ADGRB1: variants seen among roughly 807,000 people sequenced by gnomAD.
ADGRB1 encodes the protein adhesion G protein-coupled receptor B1, also known as brain-specific angiogenesis inhibitor 1.
In ADGRB1, 36 loss-of-function variants were observed where a neutral mutation model predicts 175.7. The observed-to-expected ratio is 0.20, with a 90% CI of 0.16 to 0.27. The LOEUF is 0.27. Among genes scored for constraint, ADGRB1 ranks in the 10% least tolerant of loss-of-function variants. The pLI is 1.00. For synonymous variants in ADGRB1, 1,054 were observed against 979.4 expected, an observed-to-expected ratio of 1.08 and a Z score of -1.42; for missense variants, 1,731 against 2,255.3, an observed-to-expected ratio of 0.77 and a Z score of 4.71.
rs143013687 is a variant in ADGRB1, at chr8:142,492,970, T to G, written c.2675+2155T>G. On this transcript the variant is annotated intron_variant, in intron 17 of 30. Transcript: ENST00000517894. The surrounding 1 kb of genome is among the most constrained non-coding windows in gnomAD (Gnocchi z 4.4). ...CTCGGGGGGCTGCGCCCTGGTTCAC[T>G]CAACCAGCCCCTGCTGGTGGCCTTC... 4.0e-4 allele frequency among the ~76,000 whole-genome samples: 61 copies of G among 152,068 alleles called. No individual in the cohort carries two copies. Among genetic ancestry groups the G allele is most frequent in the African/African-American group, 1.3e-3 (53 of 41,516 alleles).
intron 19 of ADGRB1, among the ~76,000 whole-genome samples, chr8:142,519,482 G>A (rs1843635443): frequency 6.6e-6 from 1 of 152,202 alleles, no homozygotes; most frequent in South Asian, 2.1e-4. Context: ...TGGTGGTGAT[G>A]GTGGTCCTGG....
intron 17 of ADGRB1, among the ~76,000 whole-genome samples, chr8:142,491,182 G>A (rs1841963755): frequency 6.6e-6 from 1 of 152,244 alleles, no homozygotes; most frequent in African/African-American, 2.4e-5. Flanking sequence ...CTGAGGGGCT[G>A]CGAAAGCTTC....
chr8:142,524,163 T>A (rs534141890), intron 22 of ADGRB1, 75 bp from the exon 23 acceptor site: 235 of 1,498,560 alleles, frequency 1.6e-4, no homozygotes, highest in Non-Finnish European at 1.8e-4. Flanking sequence ...TCACCCCTAC[T>A]CCTGAGAGGC....
intron 9 of ADGRB1, among the ~76,000 whole-genome samples, 180 bp downstream of exon 9, chr8:142,479,974 G>A (rs1841242165): frequency 6.6e-6 from 1 of 152,238 alleles, no homozygotes; most frequent in African/African-American, 2.4e-5. Flanking sequence ...CTCTGTGGCA[G>A]CTGCTGTTCT....
At chr8:142,476,935 C>G (rs1841011532) in intron 4 of ADGRB1, among the ~76,000 whole-genome samples, 179 bp from the exon 5 acceptor site, 1 of 152,210 alleles carries the variant, frequency 6.6e-6, no homozygotes, top group African/African-American at 2.4e-5. Flanking sequence ...CTCAGGGCTC[C>G]CAGCCTTGTA....
Position 142,502,868 on chromosome 8 carries a change from G to A in ADGRB1, c.2676-8064G>A, listed in dbSNP as rs1203390345. On this transcript the variant is annotated intron_variant, in intron 17 of 30. Coordinates refer to ENST00000517894, the MANE Select transcript of ADGRB1 (RefSeq NM_001702.3). Reference sequence around the variant, plus strand: ...GTTGCTGCTGTTGGTGGTAGTGACAGTACTGTTGATGGCATGATGCTGATG... The same window carrying A: ...GTTGCTGCTGTTGGTGGTAGTGACAATACTGTTGATGGCATGATGCTGATG... 7.2e-5 allele frequency among the ~76,000 whole-genome samples: 11 copies of A among 151,898 alleles called. No homozygotes were observed. In the East Asian group the frequency reaches 2.1e-3, roughly 29 times the overall value.
chr8:142,479,908 C>A, intron 9 of ADGRB1, 114 bp downstream of exon 9: 1 of 1,183,612 alleles, frequency 8.4e-7, no homozygotes, highest in Non-Finnish European at 1.2e-6. Context: ...GCCCAGACAG[C>A]CTGCGTGTGC....
In ADGRB1 at chr8:142,537,339, C is replaced by T. The variant is rs1043937954; in HGVS notation, c.3666+257C>T. ...CTGGCATCCACCCCACACTCACCCC[C>T]GCTGGCAGCAGTGCCCGTCTGGCTG... On this transcript the variant is annotated intron_variant, in intron 26 of 30. Coordinates refer to ENST00000517894, the MANE Select transcript of ADGRB1 (RefSeq NM_001702.3). This position sits in a 1 kb window ranked among gnomAD's most constrained non-coding sequence, Gnocchi z 4.6. Among the ~76,000 whole-genome samples, 4 of 152,070 alleles carry T rather than the reference C, an allele frequency of 2.6e-5. No individual in the cohort carries two copies. The highest frequency in any genetic ancestry group is 4.4e-5 in the Non-Finnish European group (3 of 67,980).
rs1019734108 is a variant in ADGRB1 at position 142,542,387 on chromosome 8, G to A, written c.4153G>A (p.Glu1385Lys). The A allele has an allele frequency of 2.6e-6, 4 of 1,560,174 alleles. No individual in the cohort carries two copies. The highest frequency in any genetic ancestry group is 1.9e-5 in the Admixed American group (1 of 52,252). Residue 1385 changes from glutamate to lysine, a missense_variant, in exon 28 of 31, where the codon GAG (glutamate) becomes AAG (lysine). Glu to Lys is a moderately conservative substitution (Grantham distance 56). Transcript: ENST00000517894. This position sits in a 1 kb window ranked among gnomAD's most constrained non-coding sequence, Gnocchi z 6.3. ...CCTCATCCACCTCAGCACGGCCCCC[G>A]AGGCCAGCCTCCCCGCCCGCAGCCC... ...TRLIHLSTAP[E>K]ASLPARSPPS...
Position 142,455,880 on chromosome 8 carries a change from G to A in ADGRB1, c.-220+5776G>A, listed in dbSNP as rs1356002459. On this transcript the variant is annotated intron_variant, in intron 1 of 30. Coordinates refer to ENST00000517894, the MANE Select transcript of ADGRB1 (RefSeq NM_001702.3). This position sits in a 1 kb window ranked among gnomAD's most constrained non-coding sequence, Gnocchi z 4.9. ...TTGGTCTTTGGGCCAGCACCTCTCTGAGGCTAAGTTGGCATCTCTGTGACA... is the reference window on the plus strand; with the variant it reads ...TTGGTCTTTGGGCCAGCACCTCTCTAAGGCTAAGTTGGCATCTCTGTGACA... Among the ~76,000 whole-genome samples the A allele has an allele frequency of 6.6e-6, 1 of 152,194 alleles. No homozygotes were observed. Among genetic ancestry groups the A allele is most frequent in the Non-Finnish European group, 1.5e-5 (1 of 68,032 alleles).
chr8:142,539,789 C>A (rs7462701), intron 27 of ADGRB1: 190,849 of 298,404 alleles, frequency 0.64, 66,117 homozygotes, highest in East Asian at 0.99. Context: ...CGCTCCCCCC[C>A]CCTGCCTCCT....
chr8:142,520,768 C>T (rs1039157333), intron 19 of ADGRB1, 55 bp from the exon 20 acceptor site: 22 of 1,498,770 alleles, frequency 1.5e-5, no homozygotes, highest in Middle Eastern at 1.7e-4. Context: ...ACCACAGCCC[C>T]TGTGCAGATG....
Position 142,475,651 on chromosome 8 carries a change from G to T in ADGRB1, c.946+16G>T. On this transcript the variant is annotated intron_variant, in intron 3 of 30. Transcript: ENST00000517894. The stretch of plus-strand genomic sequence containing the variant: ...GCCTGCGGCCGTGAGTGCGGGCGGG[G>T]CGGGGCGGAGCCGGAGCCCTGGAGA... 1 of 1,226,698 alleles carries T rather than the reference G, an allele frequency of 8.2e-7. No individual in the cohort carries two copies. Among genetic ancestry groups the T allele is most frequent in the Non-Finnish European group, 1.0e-6 (1 of 984,362 alleles). 76.0% of individuals were successfully genotyped at this position (1,226,698 alleles called of 1,614,324 possible).
intron 17 of ADGRB1, among the ~76,000 whole-genome samples, chr8:142,494,247 T>C (rs569240180): frequency 6.6e-6 from 1 of 152,004 alleles, no homozygotes; most frequent in East Asian, 1.9e-4. Flanking sequence ...GTTCTGATCC[T>C]ACTCACTCAC....
At chr8:142,536,471 G>T (rs1264744419) in intron 25 of ADGRB1, among the ~76,000 whole-genome samples, 1 of 152,168 alleles carries the variant, frequency 6.6e-6, no homozygotes, top group Non-Finnish European at 1.5e-5. Flanking sequence ...AGAGTGGGTG[G>T]CCATGAAGGG....
rs771884806 is a variant in ADGRB1 at position 142,522,080 on chromosome 8, G to A, written c.3140G>A (p.Arg1047His). The part of the protein sequence containing the change: ...YMAVTGHLRN[R>H]LIRKRFLCLG... Reference sequence around the variant, plus strand: ...GCGGTGACGGGCCACCTCCGGAACCGCCTCATCCGCAAGCGCTTCCTCTGC... The same window carrying A: ...GCGGTGACGGGCCACCTCCGGAACCACCTCATCCGCAAGCGCTTCCTCTGC... Residue 1047 changes from arginine (R) to histidine (H), a missense_variant, in exon 21 of 31, where the codon CGC becomes CAC. Arg to His is a conservative substitution (Grantham distance 29). Around this residue, in one of 8 missense-constraint regions of ADGRB1, gnomAD observed 301 missense variants for 488.4 expected, o/e 0.62. Coordinates refer to ENST00000517894, the MANE Select transcript of ADGRB1 (RefSeq NM_001702.3). 16 of 1,611,878 alleles carry A rather than the reference G, an allele frequency of 9.9e-6. No homozygotes were observed. Among genetic ancestry groups the A allele is most frequent in the Admixed American group, 1.7e-5 (1 of 59,994 alleles).
rs752011772 is a variant in ADGRB1, at chr8:142,477,479, C to G, written c.1317C>G (p.Pro439=). The change falls in exon 6 of 31, where the codon CCC becomes CCG. Residue 439 remains proline, a synonymous_variant. Coordinates refer to ENST00000517894, the MANE Select transcript of ADGRB1 (RefSeq NM_001702.3). The stretch of plus-strand genomic sequence containing the variant: ...ATCGCACGCGCACCTGCAGGCCCCC[C>G]CAGTTTGGGGGCAACCCCTGTGAGG... ...FRDRTRTCRP[P]QFGGNPCEGP... is the part of the protein sequence containing the mutation. 5.0e-6 allele frequency: 8 copies of G among 1,612,958 alleles called. No homozygotes were observed. The highest frequency in any genetic ancestry group is 3.3e-5 in the Admixed American group (2 of 60,004).
In ADGRB1 at chr8:142,481,246, C is replaced by G. The variant is rs774183938; in HGVS notation, c.1829-8C>G. The G allele has an allele frequency of 2.5e-6, 4 of 1,610,580 alleles. No homozygotes were observed. Among genetic ancestry groups the G allele is most frequent in the Non-Finnish European group, 3.4e-6 (4 of 1,177,346 alleles). ...GGCATCCACCTGAGAAGGGGATGGT[C>G]TCCCCAGGACTCATCCTGCGACGGT... is the stretch of plus-strand genomic sequence containing the variant. On this transcript the variant is annotated splice_region_variant and splice_polypyrimidine_tract_variant and intron_variant, in intron 9 of 30. Transcript: ENST00000517894.
chr8:142,526,503 G>GGCCC, intron 23 of ADGRB1, 39 bp from the exon 24 acceptor site: 153 of 1,259,150 alleles, frequency 1.2e-4, no homozygotes, highest in Middle Eastern at 2.0e-4. Flanking sequence ...GCCTACGGCG[G>GGCCC]CCCCCACCCC....
Sources: gnomAD v4.1 joint callset for allele counts (sites outside exome capture counted in the v4.1 genomes callset) on GRCh38, gnomAD v4.1.1 for gene constraint, gnomAD v4.1.1 regional missense constraint, Gnocchi (gnomAD v3.1) non-coding constraint, MANE v1.5 for transcripts, NCBI Gene and HGNC (gene_info 2026-07-23, HGNC 2026-07-21) for gene names.